The following PLCE1 variants were observed in gnomAD, a reference collection of about 807,000 sequenced individuals.
PLCE1 encodes the protein 1-phosphatidylinositol 4,5-bisphosphate phosphodiesterase epsilon-1.
In PLCE1, 119 loss-of-function variants were observed where a neutral mutation model predicts 242.8. The ratio of observed to expected loss-of-function variants is 0.49; its 90% CI spans 0.42 to 0.57. The LOEUF (loss-of-function observed/expected upper bound fraction) is 0.57. PLCE1 is among the 20% of genes least tolerant of loss of function. The pLI is 0.00. For synonymous variants in PLCE1, 945 were observed against 1,017.4 expected (o/e 0.93, Z 1.35); for missense variants, 2,441 against 2,788.8 (o/e 0.88, Z 2.81).
chr10:94,220,393 T>TA (rs2049695998), intron 4 of PLCE1, among the ~76,000 whole-genome samples: 2 of 125,174 alleles, frequency 1.6e-5, no homozygotes, highest in Non-Finnish European at 3.3e-5. Context: ...TATATATATA[T>TA]ATATATATAT....
At chr10:94,241,489 G>T (rs2137426752) in intron 7 of PLCE1, among the ~76,000 whole-genome samples, 1 of 152,212 alleles carries the variant, frequency 6.6e-6, no homozygotes, top group East Asian at 1.9e-4. Context: ...ATGTGGAAAT[G>T]GTCCCAAAAG....
intron 2 of PLCE1, among the ~76,000 whole-genome samples, chr10:94,111,382 C>A (rs1175956172): frequency 5.9e-5 from 9 of 152,130 alleles, no homozygotes; most frequent in Admixed American, 4.6e-4. Context: ...GAGGTGGAAG[C>A]CAAATTCCCA....
intron 2 of PLCE1, chr10:94,105,049 TGAG>T (rs1409111582): frequency 6.6e-6 from 1 of 152,200 alleles, no homozygotes; most frequent in African/African-American, 2.4e-5. Flanking sequence ...CAGTTGGAAA[TGAG>T]GAAGGAAGCC....
rs553462220 is a variant in PLCE1 at position 94,328,971 on chromosome 10, C to T, written c.*1028C>T. 4 of 152,042 alleles carry T rather than the reference C, an allele frequency of 2.6e-5. No individual in the cohort carries two copies. The highest frequency in any genetic ancestry group is 1.9e-4 in the East Asian group (1 of 5,176). The allele number at this position is 152,042 out of a possible 1,614,324, so 9.4% of individuals were successfully genotyped here. A position where few individuals can be genotyped will look rare whatever the true frequency, so the allele number is the denominator to read the frequency against. ...TTAAAGCAAAAGTAGATTGAGTTGG[C>T]GTTTAAATTTATTTTGCAAGGTTTG... On this transcript the variant is annotated 3_prime_UTR_variant, in exon 33 of 33. Transcript: ENST00000371380.
chr10:94,097,669 G>T (rs1359487525), intron 2 of PLCE1, among the ~76,000 whole-genome samples: 2 of 152,210 alleles, frequency 1.3e-5, no homozygotes, highest in Non-Finnish European at 2.9e-5. Flanking sequence ...TTCAAAATGG[G>T]TGATTCCAAG....
At chr10:94,270,441 C>T (rs768841241) in intron 17 of PLCE1, 45 bp from the exon 18 acceptor site, 1 of 1,274,502 alleles carries the variant, frequency 7.8e-7, no homozygotes, top group East Asian at 2.3e-5. Context: ...TTCTGACCAC[C>T]TTGACAGATA....
At chr10:94,016,122 A>ATG (rs1304064196) in intron 1 of PLCE1, among the ~76,000 whole-genome samples, 1 of 152,166 alleles carries the variant, frequency 6.6e-6, no homozygotes, top group Non-Finnish European at 1.5e-5. Context: ...ATGATTTTCC[A>ATG]TGATCGCCTC....
chr10:94,320,632 G>GTTTTCC (rs1033848356), intron 29 of PLCE1, among the ~76,000 whole-genome samples: 1 of 152,202 alleles, frequency 6.6e-6, no homozygotes, highest in African/African-American at 2.4e-5. Context: ...GGATAAGGGA[G>GTTTTCC]TTTTCCTGCC....
intron 4 of PLCE1, among the ~76,000 whole-genome samples, chr10:94,190,336 C>T (rs1165284353): frequency 6.6e-6 from 1 of 152,072 alleles, no homozygotes; most frequent in Non-Finnish European, 1.5e-5. Context: ...TGGCTGGGCA[C>T]TGTGGCTCAT....
chr10:94,257,769 T>C (rs113389530), intron 11 of PLCE1, among the ~76,000 whole-genome samples: 1 of 152,036 alleles, frequency 6.6e-6, no homozygotes, highest in Admixed American at 6.6e-5. Context: ...CAGGGCCTGT[T>C]GTGGGGTGGA....
chr10:94,135,431 TC>T (rs1487421603), intron 3 of PLCE1, among the ~76,000 whole-genome samples: 2 of 152,168 alleles, frequency 1.3e-5, no homozygotes, highest in Admixed American at 6.5e-5. Context: ...AGCTTTTTTT[TC>T]TTCTTTAGTA....
chr10:94,117,741 T>C (rs1311519619), intron 2 of PLCE1, among the ~76,000 whole-genome samples: 3 of 152,238 alleles, frequency 2.0e-5, no homozygotes, highest in Non-Finnish European at 4.4e-5. Flanking sequence ...CCTTTAATTA[T>C]GTGTAGTCAC....
At chr10:94,199,383 T>C (rs1424116050) in intron 4 of PLCE1, among the ~76,000 whole-genome samples, 1 of 152,210 alleles carries the variant, frequency 6.6e-6, no homozygotes, top group East Asian at 1.9e-4. Context: ...TCTTCATTTG[T>C]AAATGGGACA....
Position 94,306,375 on chromosome 10 carries a change from C to G in PLCE1, c.5623-52C>G. The G allele has an allele frequency of 2.5e-6, 4 of 1,613,952 alleles. No homozygotes were observed. Among genetic ancestry groups the G allele is most frequent in the Non-Finnish European group, 3.4e-6 (4 of 1,179,930 alleles). Reference sequence around the variant, plus strand: ...GGAAGCAGTGAGGTGCAGAGGTTGTCTTTCTTTTTTATCCTCGGTGACTTT... The same window carrying G: ...GGAAGCAGTGAGGTGCAGAGGTTGTGTTTCTTTTTTATCCTCGGTGACTTT... On this transcript the variant is annotated intron_variant, in intron 25 of 32. Coordinates refer to ENST00000371380, the MANE Select transcript of PLCE1 (RefSeq NM_016341.4). The surrounding 1 kb of genome is among the most constrained non-coding windows in gnomAD (Gnocchi z 5.7).
intron 4 of PLCE1, 108 bp downstream of exon 4, chr10:94,171,604 G>C (rs2047981423): frequency 2.3e-6 from 2 of 878,574 alleles, no homozygotes; most frequent in Non-Finnish European, 3.9e-6. Flanking sequence ...ATTTCATTCT[G>C]TCTTGCCACT....
At chr10:94,286,870 C>T (rs1190431778) in intron 22 of PLCE1, 2 of 152,234 alleles carry the variant, frequency 1.3e-5, no homozygotes, top group African/African-American at 4.8e-5. Context: ...CTGGCATGTC[C>T]TTCATTGCAG....
intron 2 of PLCE1, among the ~76,000 whole-genome samples, chr10:94,110,286 TCTC>T (rs1480072899): frequency 3.3e-5 from 5 of 151,932 alleles, no homozygotes; most frequent in African/African-American, 1.2e-4. Context: ...ATGGTCTCGA[TCTC>T]CTGACCTCGT....
At chr10:94,011,185 T>G (rs1222364288) in intron 1 of PLCE1, among the ~76,000 whole-genome samples, 3 of 152,050 alleles carry the variant, frequency 2.0e-5, no homozygotes, top group Non-Finnish European at 4.4e-5. Flanking sequence ...GCTTTGGAGC[T>G]TTTACTTATG....
chr10:94,284,420 G>T (rs531051086), intron 21 of PLCE1, among the ~76,000 whole-genome samples: 1 of 152,288 alleles, frequency 6.6e-6, no homozygotes, highest in East Asian at 1.9e-4. Flanking sequence ...ATGACACTGA[G>T]AATAGGAAGA....
Sources: allele counts gnomAD v4.1 joint callset (sites outside exome capture counted in the v4.1 genomes callset), GRCh38; gene constraint gnomAD v4.1.1; non-coding constraint Gnocchi (gnomAD v3.1); transcripts MANE v1.5; gene names NCBI Gene and HGNC (gene_info 2026-07-23, HGNC 2026-07-21).